STXBP5L: variants seen among roughly 807,000 people sequenced by gnomAD.
STXBP5L encodes the protein syntaxin-binding protein 5-like.
In STXBP5L, 65 loss-of-function variants were observed where a neutral mutation model predicts 144.5. The ratio of observed to expected loss-of-function variants is 0.45; its 90% confidence interval spans 0.37 to 0.55. The LOEUF is 0.55. STXBP5L is among the 20% of genes least tolerant of loss of function. The pLI is 0.00. For synonymous variants in STXBP5L, 505 were observed against 469.6 expected, an observed-to-expected ratio of 1.08 and a Z score of -0.97; for missense variants, 1,298 against 1,405.5, an observed-to-expected ratio of 0.92 and a Z score of 1.22.
In STXBP5L at chr3:121,419,526, A is replaced by C. The variant is rs2047314949; in HGVS notation, c.*429A>C. 1 of 153,198 alleles carries C rather than the reference A, an allele frequency of 6.5e-6. No individual in the cohort carries two copies. Among genetic ancestry groups the C allele is most frequent in the Non-Finnish European group, 1.5e-5 (1 of 68,744 alleles). 9.5% of individuals were successfully genotyped at this position (153,198 alleles called of 1,614,324 possible). On this transcript the variant is annotated 3_prime_UTR_variant, in exon 27 of 27. Transcript: ENST00000471454. Reference sequence around the variant, plus strand: ...TAGAAGAAAAAAAGATTCATGGTAAACTATTTCTATCAATTGGGCCACACT... The same window carrying C: ...TAGAAGAAAAAAAGATTCATGGTAACCTATTTCTATCAATTGGGCCACACT...
At chr3:121,334,962 C>A (rs903074194) in intron 20 of STXBP5L, among the ~76,000 whole-genome samples, 28 of 152,260 alleles carry the variant, frequency 1.8e-4, no homozygotes, top group African/African-American at 6.0e-4. Flanking sequence ...AAAGAGCAAT[C>A]AGGCAAAAGA....
intron 5 of STXBP5L, among the ~76,000 whole-genome samples, chr3:121,076,748 T>C (rs1282659605): frequency 2.0e-5 from 3 of 152,176 alleles, no homozygotes; most frequent in Admixed American, 2.0e-4. Context: ...ATAATCACCA[T>C]TAAAACCTTT....
intron 3 of STXBP5L, among the ~76,000 whole-genome samples, chr3:121,006,362 C>A (rs963034992): frequency 1.3e-5 from 2 of 152,156 alleles, no homozygotes; most frequent in South Asian, 2.1e-4. Context: ...TTATCAGAGA[C>A]TAGGATTGCA....
At chr3:121,184,426 A>G (rs752197240) in intron 9 of STXBP5L, among the ~76,000 whole-genome samples, 5 of 151,590 alleles carry the variant, frequency 3.3e-5, no homozygotes, top group Non-Finnish European at 7.4e-5. Context: ...ATACACAAAT[A>G]TCAATATCCA....
chr3:121,246,423 T>C (rs1264631569), intron 14 of STXBP5L, among the ~76,000 whole-genome samples: 2 of 152,210 alleles, frequency 1.3e-5, no homozygotes, highest in African/African-American at 2.4e-5. Flanking sequence ...GTAATGTTAG[T>C]TCTTTGGTTG....
At chr3:121,393,520 C>G (rs1361058880) in intron 22 of STXBP5L, among the ~76,000 whole-genome samples, 1 of 152,144 alleles carries the variant, frequency 6.6e-6, no homozygotes, top group East Asian at 1.9e-4. Flanking sequence ...AATGTCCACA[C>G]AAGAGTTTTT....
At chr3:121,006,596 A>G (rs1441367112) in intron 3 of STXBP5L, among the ~76,000 whole-genome samples, 4 of 152,102 alleles carry the variant, frequency 2.6e-5, no homozygotes, top group Admixed American at 1.3e-4. Flanking sequence ...TGTCATTATG[A>G]TGTTAGCTGG....
chr3:121,342,694 G>C (rs1316226044), intron 20 of STXBP5L, among the ~76,000 whole-genome samples: 2 of 151,276 alleles, frequency 1.3e-5, no homozygotes, highest in Admixed American at 6.6e-5. Flanking sequence ...TTTTATGACT[G>C]CATAGTATAC....
At chr3:121,056,046 C>T (rs904383949) in intron 5 of STXBP5L, among the ~76,000 whole-genome samples, 1 of 152,108 alleles carries the variant, frequency 6.6e-6, no homozygotes, top group South Asian at 2.1e-4. Context: ...CTCAAGCTAT[C>T]CTCCTGCCTT....
chr3:121,301,522 T>C (rs1209168863), intron 19 of STXBP5L, among the ~76,000 whole-genome samples: 2 of 152,292 alleles, frequency 1.3e-5, no homozygotes, highest in South Asian at 4.1e-4. Flanking sequence ...CTTTTCCTAA[T>C]TGAATGCCCT....
chr3:121,268,392 CTG>C (rs749934914), intron 18 of STXBP5L, among the ~76,000 whole-genome samples: 29 of 152,158 alleles, frequency 1.9e-4, no homozygotes, highest in Middle Eastern at 6.8e-3. Flanking sequence ...ACATCACACA[CTG>C]GGACCTGTCA....
intron 3 of STXBP5L, among the ~76,000 whole-genome samples, chr3:120,980,147 A>G (rs1237559659): frequency 6.6e-6 from 1 of 152,102 alleles, no homozygotes; most frequent in Non-Finnish European, 1.5e-5. Context: ...CATATGGTAT[A>G]TTTTGGGGGA....
chr3:121,181,271 G>T (rs1001102697), intron 9 of STXBP5L, among the ~76,000 whole-genome samples: 1 of 151,982 alleles, frequency 6.6e-6, no homozygotes, highest in Non-Finnish European at 1.5e-5. Flanking sequence ...AGCTGAGATC[G>T]TGCCATTCCA....
chr3:121,167,222 C>G (rs561506703), intron 9 of STXBP5L, among the ~76,000 whole-genome samples: 13 of 152,296 alleles, frequency 8.5e-5, no homozygotes, highest in African/African-American at 3.1e-4. Context: ...TAAAACTGTA[C>G]TTTGCCAAAA....
chr3:121,083,478 A>C (rs1377110458), intron 5 of STXBP5L, among the ~76,000 whole-genome samples: 1 of 152,128 alleles, frequency 6.6e-6, no homozygotes, highest in Non-Finnish European at 1.5e-5. Flanking sequence ...CCTGGCCAAC[A>C]TGGTGAAACC....
chr3:121,309,958 T>A (rs1453775705), intron 19 of STXBP5L, among the ~76,000 whole-genome samples: 1 of 151,922 alleles, frequency 6.6e-6, no homozygotes, highest in East Asian at 1.9e-4. Flanking sequence ...TATGATAGTG[T>A]GGTAATTGAA....
intron 10 of STXBP5L, among the ~76,000 whole-genome samples, chr3:121,210,260 T>C (rs1285250886): frequency 3.9e-5 from 6 of 152,218 alleles, no homozygotes; most frequent in African/African-American, 1.4e-4. Context: ...TCATACCCTT[T>C]GCCCATTTTT....
chr3:121,152,216 A>G (rs2107985008), intron 7 of STXBP5L, among the ~76,000 whole-genome samples: 1 of 151,958 alleles, frequency 6.6e-6, no homozygotes, highest in East Asian at 1.9e-4. Flanking sequence ...CAATTTTCAT[A>G]CTTATTTTAT....
At chr3:121,027,196 C>G (rs1262915113) in intron 3 of STXBP5L, among the ~76,000 whole-genome samples, 1 of 151,960 alleles carries the variant, frequency 6.6e-6, no homozygotes, top group Non-Finnish European at 1.5e-5. Flanking sequence ...CAAAATATGT[C>G]TCATTCCATT....
Sources: gnomAD v4.1 joint callset for allele counts (sites outside exome capture counted in the v4.1 genomes callset) on GRCh38, gnomAD v4.1.1 for gene constraint, MANE v1.5 for transcripts, NCBI Gene and HGNC (gene_info 2026-07-23, HGNC 2026-07-21) for gene names.